SCN7A: variants seen among roughly 807,000 people sequenced by gnomAD.
The protein encoded by SCN7A is sodium voltage-gated channel alpha subunit 7, also known as sodium channel protein type 7 subunit alpha.
SCN7A carries 138 observed loss-of-function variants against 155.2 expected under a neutral mutation model. That is an observed-to-expected ratio of 0.89 (90% CI 0.77 to 1.02). The LOEUF (loss-of-function observed/expected upper bound fraction) is 1.02, where lower values mean the gene tolerates loss of function less well. Among genes scored for constraint, SCN7A ranks in the 50% least tolerant of loss-of-function variants. The probability of loss-of-function intolerance (pLI) is 0.00; values close to 1 mark genes in which losing one functional copy is unlikely to be tolerated. For missense variants in SCN7A, 2,058 were observed against 1,986.6 expected, an observed-to-expected ratio of 1.04 and a Z score of -0.68; for synonymous variants, 693 against 649.0, an observed-to-expected ratio of 1.07 and a Z score of -1.03.
chr2:166,410,815 G>A (rs547202796), intron 23 of SCN7A, among the ~76,000 whole-genome samples: 90 of 151,774 alleles, frequency 5.9e-4, no homozygotes, highest in South Asian at 3.5e-3. Flanking sequence ...AGCACCTTGC[G>A]CTTGCTTCTT....
chr2:166,479,179 A>G (rs1298506933), intron 2 of SCN7A, among the ~76,000 whole-genome samples: 1 of 152,150 alleles, frequency 6.6e-6, no homozygotes, highest in Admixed American at 6.5e-5. Flanking sequence ...ACACATATAT[A>G]TACTCACACA....
chr2:166,406,555 A>T lies in SCN7A; in HGVS notation c.4074T>A (p.Arg1358=), dbSNP rs763502105. ...ILLSRIIHML[R]LGKGPKVFHN... ...GAAACACCTTTGGTCCTTTTCCAAG[A>T]CGCAGCATGTGAATGATCCGTGAGA... The change falls in exon 26 of 26, where the codon CGT becomes CGA. Residue 1358 remains arginine, a synonymous_variant. Transcript: ENST00000643258. 3 of 1,612,896 alleles carry T rather than the reference A, an allele frequency of 1.9e-6. No individual in the cohort carries two copies. The Admixed American group carries it at 5.0e-5, about 27-fold the overall frequency.
intron 10 of SCN7A, among the ~76,000 whole-genome samples, chr2:166,457,811 A>C (rs1346927392): frequency 6.6e-6 from 1 of 152,252 alleles, no homozygotes; most frequent in East Asian, 1.9e-4. Context: ...CATTACAAAT[A>C]TAAAATATCC....
At chr2:166,412,925 C>A in intron 22 of SCN7A, 143 bp downstream of exon 22, 1 of 857,092 alleles carries the variant, frequency 1.2e-6, no homozygotes, top group East Asian at 2.8e-5. Flanking sequence ...ATATAATAAC[C>A]CTGGAAGAAT....
chr2:166,425,944 T>C (rs1701614101), intron 18 of SCN7A, among the ~76,000 whole-genome samples: 1 of 150,348 alleles, frequency 6.7e-6, no homozygotes, highest in South Asian at 2.1e-4. Flanking sequence ...AAAGGAATAA[T>C]GTGTTGACAT....
At chr2:166,475,468 G>A (rs913325246) in intron 3 of SCN7A, among the ~76,000 whole-genome samples, 1 of 151,218 alleles carries the variant, frequency 6.6e-6, no homozygotes, top group African/African-American at 2.4e-5. Flanking sequence ...GTTCTAAATG[G>A]AAACCAAATT....
intron 7 of SCN7A, among the ~76,000 whole-genome samples, chr2:166,467,115 G>A (rs1271244905): frequency 6.6e-6 from 1 of 151,286 alleles, no homozygotes; most frequent in Non-Finnish European, 1.5e-5. Context: ...ATATATAATA[G>A]AACTTCTGTG....
At chr2:166,408,086 A>G (rs1053989960) in intron 25 of SCN7A, among the ~76,000 whole-genome samples, 1 of 151,334 alleles carries the variant, frequency 6.6e-6, no homozygotes, top group Non-Finnish European at 1.5e-5. Context: ...ATTCTTCCCC[A>G]CTCCACTTTC....
chr2:166,410,093 A>T, intron 24 of SCN7A, 127 bp downstream of exon 24: 1 of 1,111,144 alleles, frequency 9.0e-7, no homozygotes, highest in Non-Finnish European at 1.3e-6. Flanking sequence ...ACAAACAAAC[A>T]AAATGACCAT....
chr2:166,426,936 C>T (rs549852024), intron 18 of SCN7A, among the ~76,000 whole-genome samples: 37 of 152,120 alleles, frequency 2.4e-4, no homozygotes, highest in African/African-American at 8.9e-4. Flanking sequence ...TTCTGTGCAC[C>T]TCACAGTTAA....
chr2:166,464,724 C>T (rs12465583), intron 9 of SCN7A, among the ~76,000 whole-genome samples: 2 of 151,968 alleles, frequency 1.3e-5, no homozygotes, highest in East Asian at 3.9e-4. Context: ...GCTATCGCGG[C>T]TCCCATCAGC....
At chr2:166,469,285 C>T (rs1702602953) in intron 7 of SCN7A, among the ~76,000 whole-genome samples, 1 of 151,540 alleles carries the variant, frequency 6.6e-6, no homozygotes, top group African/African-American at 2.4e-5. Context: ...TATTTTACGG[C>T]TTCCATTACC....
intron 21 of SCN7A, among the ~76,000 whole-genome samples, 162 bp from the exon 22 acceptor site, chr2:166,413,283 A>C (rs34619171): frequency 6.6e-6 from 1 of 152,068 alleles, no homozygotes; most frequent in Non-Finnish European, 1.5e-5. Context: ...TTGTCTGTTA[A>C]CAACTATTTC....
intron 11 of SCN7A, among the ~76,000 whole-genome samples, chr2:166,456,088 T>G (rs912410933): frequency 2.0e-5 from 3 of 152,170 alleles, no homozygotes; most frequent in African/African-American, 7.2e-5. Context: ...ACCATCATTC[T>G]TAGCAAACTA....
intron 21 of SCN7A, among the ~76,000 whole-genome samples, chr2:166,414,009 A>ATAT (rs1701266401): frequency 7.3e-5 from 4 of 54,438 alleles, no homozygotes; most frequent in African/African-American, 2.3e-4. Flanking sequence ...ATATAAATAT[A>ATAT]CTATATATAT....
chr2:166,451,381 G>A (rs895327553), intron 11 of SCN7A, among the ~76,000 whole-genome samples: 2 of 152,142 alleles, frequency 1.3e-5, no homozygotes, highest in African/African-American at 4.8e-5. Flanking sequence ...AAAATTGAGA[G>A]GATTGTTACT....
Position 166,443,470 on chromosome 2 carries a change from T to C in SCN7A, c.1800+33A>G, listed in dbSNP as rs779403056. 3.9e-6 allele frequency: 6 copies of C among 1,542,672 alleles called. No individual in the cohort carries two copies. The South Asian group carries it at 6.2e-5, about 16-fold the overall frequency. ...CTGCAGACACTGAGATAAACTTTGA[T>C]CAAATAAAAGTTAGGTATTGGATTC... is the stretch of plus-strand genomic sequence containing the variant. On this transcript the variant is annotated intron_variant, in intron 14 of 25. Coordinates refer to ENST00000643258, the MANE Select transcript of SCN7A (RefSeq NM_002976.4).
chr2:166,419,386 C>T (rs1435884056), intron 20 of SCN7A, among the ~76,000 whole-genome samples: 5 of 140,486 alleles, frequency 3.6e-5, no homozygotes, highest in Non-Finnish European at 6.1e-5. Context: ...TTGAGACAGT[C>T]TCACTCTGTC....
chr2:166,455,949 G>A (rs913738894), intron 11 of SCN7A, among the ~76,000 whole-genome samples: 8 of 152,142 alleles, frequency 5.3e-5, no homozygotes, highest in African/African-American at 1.9e-4. Context: ...TGGTTTGCCA[G>A]TATCGTTAGA....
Sources: gnomAD v4.1 joint callset for allele counts (sites outside exome capture counted in the v4.1 genomes callset) on GRCh38, gnomAD v4.1.1 for gene constraint, MANE v1.5 for transcripts, NCBI Gene and HGNC (gene_info 2026-07-23, HGNC 2026-07-21) for gene names.